IL2RA: variants seen among roughly 807,000 people sequenced by gnomAD.
IL2RA encodes the protein interleukin-2 receptor subunit alpha.
In IL2RA, 24 loss-of-function variants were observed where a neutral mutation model predicts 37.8. That is an observed-to-expected ratio of 0.63 (90% confidence interval 0.46 to 0.89). The LOEUF (loss-of-function observed/expected upper bound fraction) is 0.89, where lower values mean the gene tolerates loss of function less well. Ranked by LOEUF, IL2RA falls within the 40% of genes least tolerant of loss-of-function variation. The pLI, the probability that IL2RA is intolerant of heterozygous loss-of-function variation, is 0.00. For synonymous variants in IL2RA, 125 were observed against 114.6 expected (o/e 1.09, Z -0.58); for missense variants, 319 against 348.6 (o/e 0.92, Z 0.68).
Position 6,035,089 on chromosome 10 carries a change from T to G in IL2RA, c.65-9064A>C, listed in dbSNP as rs931412515. ...GCTTAGAAATTGGGGCTCCCCACCC[T>G]GCACTAGGGTCTCACACAAAGGGGT... On this transcript the variant is annotated intron_variant, in intron 1 of 7. Transcript: ENST00000379959. The surrounding 1 kb of genome is among the most constrained non-coding windows in gnomAD (Gnocchi z 5.4). Among the ~76,000 whole-genome samples the G allele has an allele frequency of 3.3e-5, 5 of 152,092 alleles. No homozygotes were observed. The highest frequency in any genetic ancestry group is 1.2e-4 in the African/African-American group (5 of 41,436).
intron 1 of IL2RA, among the ~76,000 whole-genome samples, chr10:6,059,876 T>C (rs1034946885): frequency 1.3e-5 from 2 of 152,178 alleles, no homozygotes; most frequent in South Asian, 4.1e-4. Context: ...TATATCTATG[T>C]TTTTCTCCTC....
chr10:6,042,651 A>T (rs1839790215), intron 1 of IL2RA, among the ~76,000 whole-genome samples: 1 of 152,196 alleles, frequency 6.6e-6, no homozygotes, highest in Admixed American at 6.5e-5. Flanking sequence ...TATCCGTAAT[A>T]CATAAGGAAG....
chr10:6,032,078 A>G (rs1158796863), intron 1 of IL2RA, among the ~76,000 whole-genome samples: 2 of 152,214 alleles, frequency 1.3e-5, no homozygotes, highest in Non-Finnish European at 2.9e-5. Context: ...TAAACAAATA[A>G]ATGTGCCAAG....
chr10:6,030,396 A>G (rs1196134897), intron 1 of IL2RA, among the ~76,000 whole-genome samples: 2 of 152,220 alleles, frequency 1.3e-5, no homozygotes, highest in African/African-American at 2.4e-5. Context: ...AAAAGTGGCC[A>G]GAGGGAAAGG....
At chr10:6,042,147 G>GGAAAAAAAAAAAAAAAAAAA (rs1564549478) in intron 1 of IL2RA, among the ~76,000 whole-genome samples, 1 of 1,210 alleles carries the variant, frequency 8.3e-4, no homozygotes, top group Non-Finnish European at 2.2e-3. Flanking sequence ...AATGTATTAA[G>GGAAAAAAAAAAAAAAAAAAA]CAAAAAAAAA....
chr10:6,057,681 A>C lies in IL2RA; in HGVS notation c.64+4407T>G, dbSNP rs1459606072. Among the ~76,000 whole-genome samples, 1 of 152,120 alleles carries C rather than the reference A, an allele frequency of 6.6e-6. No individual in the cohort carries two copies. Among genetic ancestry groups the C allele is most frequent in the Non-Finnish European group, 1.5e-5 (1 of 68,024 alleles). ...CCTGTGACCTCAAGCAACATGCCTCATTTCCTGAGGGAATTCTCTCTTTTT... is the reference window on the plus strand; with the variant it reads ...CCTGTGACCTCAAGCAACATGCCTCCTTTCCTGAGGGAATTCTCTCTTTTT... On this transcript the variant is annotated intron_variant, in intron 1 of 7. Transcript: ENST00000379959. This position sits in a 1 kb window ranked among gnomAD's most constrained non-coding sequence, Gnocchi z 4.8.
chr10:6,042,428 T>C (rs765325226), intron 1 of IL2RA, among the ~76,000 whole-genome samples: 1 of 152,124 alleles, frequency 6.6e-6, no homozygotes, highest in Non-Finnish European at 1.5e-5. Flanking sequence ...AAATAACATG[T>C]ACGTGATACC....
At position 6,035,643 on chromosome 10, in the gene IL2RA, TC is replaced by T. The variant is rs1482581862; in HGVS notation, c.65-9619del. ...GGGCTCTGCGGTGATGTGGCCTTCC[TC>T]TTTAGTTTTTGTGCCTTTTATGTGG... On this transcript the variant is annotated intron_variant, in intron 1 of 7. Coordinates refer to ENST00000379959, the MANE Select transcript of IL2RA (RefSeq NM_000417.3). The surrounding 1 kb of genome is among the most constrained non-coding windows in gnomAD (Gnocchi z 5.4). 6.6e-6 allele frequency among the ~76,000 whole-genome samples: 1 copy of T among 152,158 alleles called. No individual in the cohort carries two copies. Among genetic ancestry groups the T allele is most frequent in the Non-Finnish European group, 1.5e-5 (1 of 68,022 alleles).
At chr10:6,061,722 G>A (rs1177360797) in intron 1 of IL2RA, among the ~76,000 whole-genome samples, 1 of 152,074 alleles carries the variant, frequency 6.6e-6, no homozygotes, top group Admixed American at 6.5e-5. Context: ...TTAGTTGGGG[G>A]GTGGGAGTGC....
rs1228814760 is a variant in IL2RA at position 6,047,501 on chromosome 10, C to T, written c.64+14587G>A. On this transcript the variant is annotated intron_variant, in intron 1 of 7. Coordinates refer to ENST00000379959, the MANE Select transcript of IL2RA (RefSeq NM_000417.3). This position sits in a 1 kb window ranked among gnomAD's most constrained non-coding sequence, Gnocchi z 5.0. ...AAAACAGCAATCACGTCAGCTGAGA[C>T]GCAACACACTGCATGCCGAACACAC... 4.6e-5 allele frequency among the ~76,000 whole-genome samples: 7 copies of T among 152,132 alleles called. No homozygotes were observed. The highest frequency in any genetic ancestry group is 3.8e-4 in the East Asian group (2 of 5,198).
At position 6,056,476 on chromosome 10, in the gene IL2RA, G is replaced by C. The variant is rs1840046174; in HGVS notation, c.64+5612C>G. 2.0e-5 allele frequency among the ~76,000 whole-genome samples: 3 copies of C among 152,178 alleles called. No individual in the cohort carries two copies. The highest frequency in any genetic ancestry group is 2.0e-4 in the Admixed American group (3 of 15,278). ...GAATTAAGATTCTCTTTTCAGCTGG[G>C]CACAGTGGCTCATGCCTGTAATCCC... On this transcript the variant is annotated intron_variant, in intron 1 of 7. Transcript: ENST00000379959. The surrounding 1 kb of genome is among the most constrained non-coding windows in gnomAD (Gnocchi z 5.0).
chr10:6,058,785 G>C lies in IL2RA; in HGVS notation c.64+3303C>G, dbSNP rs1022429114. Among the ~76,000 whole-genome samples the C allele has an allele frequency of 6.6e-6, 1 of 152,168 alleles. No homozygotes were observed. Among genetic ancestry groups the C allele is most frequent in the African/African-American group, 2.4e-5 (1 of 41,436 alleles). On this transcript the variant is annotated intron_variant, in intron 1 of 7. Coordinates refer to ENST00000379959, the MANE Select transcript of IL2RA (RefSeq NM_000417.3). This position sits in a 1 kb window ranked among gnomAD's most constrained non-coding sequence, Gnocchi z 4.2. ...AAGCTCTCAGAATTTCCACAGTTCT[G>C]AGAAAGGTGCCTTCAATAACGTGCC... is the stretch of plus-strand genomic sequence containing the variant.
At chr10:6,037,592 G>C (rs1205365128) in intron 1 of IL2RA, among the ~76,000 whole-genome samples, 1 of 152,208 alleles carries the variant, frequency 6.6e-6, no homozygotes, top group Non-Finnish European at 1.5e-5. Flanking sequence ...CGCATCAAGA[G>C]CTTGGGCCAC....
At chr10:6,026,104 A>G in intron 1 of IL2RA, 79 bp from the exon 2 acceptor site, 1 of 1,400,538 alleles carries the variant, frequency 7.1e-7, no homozygotes, top group Non-Finnish European at 1.0e-6. Context: ...TAATGACTTA[A>G]TCACATATTT....
chr10:6,040,896 C>G (rs1839761565), intron 1 of IL2RA, among the ~76,000 whole-genome samples: 1 of 152,046 alleles, frequency 6.6e-6, no homozygotes, highest in South Asian at 2.1e-4. Context: ...ATAAGGTGGC[C>G]AGATAGAAAA....
At position 6,025,832 on chromosome 10, in the gene IL2RA, A is replaced by C; in HGVS notation, c.256+2T>G. 6.2e-7 allele frequency: 1 copy of C among 1,614,082 alleles called. No individual in the cohort carries two copies. On this transcript the variant is annotated splice_donor_variant, in intron 2 of 7. Transcript: ENST00000379959. LOFTEE classifies it high-confidence loss of function. The surrounding 1 kb of genome is among the most constrained non-coding windows in gnomAD (Gnocchi z 4.4). Reference sequence around the variant, plus strand: ...CTTGGTAGTCACAGAAGGGACACTTACCAGAGCTTGTGCATTGACATTGGT... The same window carrying C: ...CTTGGTAGTCACAGAAGGGACACTTCCCAGAGCTTGTGCATTGACATTGGT...
chr10:6,020,023 C>T lies in IL2RA; in HGVS notation c.584-82G>A, dbSNP rs937705120. Reference sequence around the variant, plus strand: ...TCCCACCCCGCCTGCCCCAGGCAGCCGGCCCCAGACACGCCCGAGGAGGCA... The same window carrying T: ...TCCCACCCCGCCTGCCCCAGGCAGCTGGCCCCAGACACGCCCGAGGAGGCA... On this transcript the variant is annotated intron_variant, in intron 4 of 7. Coordinates refer to ENST00000379959, the MANE Select transcript of IL2RA (RefSeq NM_000417.3). This position sits in a 1 kb window ranked among gnomAD's most constrained non-coding sequence, Gnocchi z 5.6. 39 of 1,197,322 alleles carry T rather than the reference C, an allele frequency of 3.3e-5. No individual in the cohort carries two copies. The highest frequency in any genetic ancestry group is 7.0e-5 in the East Asian group (3 of 42,868). 74.2% of individuals were successfully genotyped at this position (1,197,322 alleles called of 1,614,324 possible).
intron 1 of IL2RA, among the ~76,000 whole-genome samples, chr10:6,037,712 C>G (rs542267578): frequency 2.6e-5 from 4 of 152,056 alleles, no homozygotes; most frequent in Admixed American, 2.6e-4. Flanking sequence ...CCGCTCACTG[C>G]CCCCCTGTGG....
chr10:6,014,393 A>T lies in IL2RA; in HGVS notation c.795-1497T>A, dbSNP rs1160430248. ...TCTAGGAAGGCTTTTGGACAAACTG[A>T]CTAGAGGGGTCATTTCTAGATGTAT... On this transcript the variant is annotated intron_variant, in intron 7 of 7. Transcript: ENST00000379959. The surrounding 1 kb of genome is among the most constrained non-coding windows in gnomAD (Gnocchi z 4.4). Among the ~76,000 whole-genome samples, 1 of 152,192 alleles carries T rather than the reference A, an allele frequency of 6.6e-6. No homozygotes were observed. Among genetic ancestry groups the T allele is most frequent in the Non-Finnish European group, 1.5e-5 (1 of 68,018 alleles).
Sources: gnomAD v4.1 joint callset for allele counts (sites outside exome capture counted in the v4.1 genomes callset) on GRCh38, gnomAD v4.1.1 for gene constraint, Gnocchi (gnomAD v3.1) non-coding constraint, MANE v1.5 for transcripts, NCBI Gene and HGNC (gene_info 2026-07-23, HGNC 2026-07-21) for gene names.